The following CHD7 variants were observed in gnomAD, a reference collection of about 807,000 sequenced individuals.
CHD7 encodes chromodomain helicase DNA binding protein 7.
A neutral mutation model predicts 307.3 loss-of-function variants in CHD7; 24 were observed. The observed-to-expected ratio is 0.08, with a 90% confidence interval of 0.06 to 0.11. The LOEUF (loss-of-function observed/expected upper bound fraction) is 0.11, where lower values mean the gene tolerates loss of function less well. Among genes scored for constraint, CHD7 ranks in the 10% least tolerant of loss-of-function variants. The probability of loss-of-function intolerance (pLI) is 1.00; values close to 1 mark genes in which losing one functional copy is unlikely to be tolerated. For synonymous variants in CHD7, 1,363 were observed against 1,349.9 expected (o/e 1.01, Z -0.21); for missense variants, 3,106 against 3,727.1 (o/e 0.83, Z 4.34).
In CHD7 at chr8:60,865,585, A is replaced by C. The variant is rs1586468596; in HGVS notation, c.8646A>C (p.Gly2882=). ...TTGGTGCTGCTACTGCCCCGGCTGGATTGCCCTCAAACCCGCTAGCCTTCA... is the reference window on the plus strand; with the variant it reads ...TTGGTGCTGCTACTGCCCCGGCTGGCTTGCCCTCAAACCCGCTAGCCTTCA... ...GSVGAATAPA[G]LPSNPLAFNP... is the part of the protein sequence containing the mutation. The change falls in exon 38 of 38, where the codon GGA becomes GGC. Residue 2882 remains glycine (G), a synonymous_variant. Coordinates refer to ENST00000423902, the MANE Select transcript of CHD7 (RefSeq NM_017780.4). The surrounding 1 kb of genome is among the most constrained non-coding windows in gnomAD (Gnocchi z 4.3). The C allele has an allele frequency of 3.7e-6, 6 of 1,613,886 alleles. No individual in the cohort carries two copies. The Admixed American group carries it at 1.0e-4, about 27-fold the overall frequency.
At position 60,823,849 on chromosome 8, in the gene CHD7, A is replaced by T. The variant is rs1269074513; in HGVS notation, c.3211A>T (p.Ile1071Leu). 2 of 1,613,546 alleles carry T rather than the reference A, an allele frequency of 1.2e-6. No homozygotes were observed. Among genetic ancestry groups the T allele is most frequent in the Middle Eastern group, 1.6e-4 (1 of 6,084 alleles). Residue 1071 changes from isoleucine (I) to leucine (L), a missense_variant, in exon 13 of 38, where the codon ATA (isoleucine) becomes TTA (leucine). Ile to Leu is a conservative substitution (Grantham distance 5). Around this residue, in one of 10 missense-constraint regions of CHD7, gnomAD observed 232 missense variants for 422.5 expected, o/e 0.55. Coordinates refer to ENST00000423902, the MANE Select transcript of CHD7 (RefSeq NM_017780.4). ...MYFKDPQGRV[I>L]KGSYKFHAII... ...AGAGTTGTTCTTATAGGGTCGAGTG[A>T]TAAAGGGGTCCTATAAGTTTCATGC... is the stretch of plus-strand genomic sequence containing the variant.
At position 60,862,692 on chromosome 8, in the gene CHD7, A is replaced by G. The variant is rs1194089215; in HGVS notation, c.8076+40A>G. On this transcript the variant is annotated intron_variant, in intron 37 of 37. Transcript: ENST00000423902. ...CATTTCTATCAAGAAAGGTAGCTAT[A>G]CAAAACTGTTTTCCTTAGTCTTTCT... is the stretch of plus-strand genomic sequence containing the variant. 7 of 1,362,264 alleles carry G rather than the reference A, an allele frequency of 5.1e-6. No homozygotes were observed. The East Asian group carries it at 1.5e-4, about 29-fold the overall frequency. The allele number at this position is 1,362,264 out of a possible 1,614,324, so 84.4% of individuals were successfully genotyped here. A position where few individuals can be genotyped will look rare whatever the true frequency, so the allele number is the denominator to read the frequency against.
At chr8:60,796,242 T>C (rs1812028296) in intron 4 of CHD7, among the ~76,000 whole-genome samples, 1 of 152,238 alleles carries the variant, frequency 6.6e-6, no homozygotes, top group Non-Finnish European at 1.5e-5. Context: ...TGTGGGTTAT[T>C]ATGTAATTTT....
intron 15 of CHD7, among the ~76,000 whole-genome samples, chr8:60,834,426 C>T (rs989568179): frequency 9.8e-5 from 15 of 152,288 alleles, no homozygotes; most frequent in African/African-American, 2.4e-4. Context: ...CCTAATGTAA[C>T]GTGCACTTAA....
intron 8 of CHD7, among the ~76,000 whole-genome samples, chr8:60,817,436 A>G (rs1219482172): frequency 6.6e-6 from 1 of 152,214 alleles, no homozygotes; most frequent in Non-Finnish European, 1.5e-5. Context: ...ACTATCAGGT[A>G]GCAAGTCTGT....
Position 60,848,550 on chromosome 8 carries a change from G to T in CHD7, c.5246G>T (p.Arg1749Ile), listed in dbSNP as rs779276156. 6.2e-7 allele frequency: 1 copy of T among 1,613,744 alleles called. No homozygotes were observed. The highest frequency in any genetic ancestry group is 8.5e-7 in the Non-Finnish European group (1 of 1,179,766). ...CGTGTCCGCATGCTGTACTACCTAA[G>T]ACAAGAAGTGATAGGAGACCAGGCG... The part of the protein sequence containing the change: ...LLRVRMLYYL[R>I]QEVIGDQADK... The change falls in exon 24 of 38, where the codon AGA (arginine) becomes ATA (isoleucine). Residue 1749 changes from arginine (R) to isoleucine (I), a missense_variant. By Grantham distance (97) the Arg-to-Ile change is moderately conservative. Around this residue, in one of 10 missense-constraint regions of CHD7, gnomAD observed 1,030 missense variants for 1,165.4 expected, o/e 0.88. Transcript: ENST00000423902.
At chr8:60,712,002 C>T (rs1586197519) in intron 1 of CHD7, among the ~76,000 whole-genome samples, 1 of 152,330 alleles carries the variant, frequency 6.6e-6, no homozygotes, top group East Asian at 1.9e-4. Flanking sequence ...TAAGTTGGTG[C>T]ACCACATTTG....
chr8:60,837,072 A>G lies in CHD7; in HGVS notation c.4185+60A>G, dbSNP rs1197728373. 5 of 1,332,308 alleles carry G rather than the reference A, an allele frequency of 3.8e-6. No homozygotes were observed. In the East Asian group the frequency reaches 1.2e-4, roughly 31 times the overall value. 82.5% of individuals were successfully genotyped at this position (1,332,308 alleles called of 1,614,324 possible). ...AGGAAGTCATTCTGCTTACTATGAC[A>G]GAGAGTACCAGTCAGACCCATAAAT... On this transcript the variant is annotated intron_variant, in intron 17 of 37. Coordinates refer to ENST00000423902, the MANE Select transcript of CHD7 (RefSeq NM_017780.4).
At chr8:60,735,697 A>G (rs139074039) in intron 1 of CHD7, among the ~76,000 whole-genome samples, 3 of 152,360 alleles carry the variant, frequency 2.0e-5, no homozygotes, top group Non-Finnish European at 4.4e-5. Flanking sequence ...AAAGAATACT[A>G]ATCTCTGAAA....
intron 1 of CHD7, among the ~76,000 whole-genome samples, chr8:60,706,909 T>A (rs1327252569): frequency 1.3e-5 from 2 of 152,194 alleles, no homozygotes; most frequent in African/African-American, 4.8e-5. Flanking sequence ...CATGTTGGTG[T>A]GCCGCACCCA....
At chr8:60,774,313 C>T (rs1322847362) in intron 2 of CHD7, among the ~76,000 whole-genome samples, 1 of 152,188 alleles carries the variant, frequency 6.6e-6, no homozygotes, top group Non-Finnish European at 1.5e-5. Context: ...TATAACTCAC[C>T]TCACCAGCCT....
chr8:60,763,758 C>T (rs1055274453), intron 2 of CHD7, among the ~76,000 whole-genome samples: 1 of 152,056 alleles, frequency 6.6e-6, no homozygotes, highest in African/African-American at 2.4e-5. Context: ...TGGCCTATCC[C>T]TTCCCCTCCT....
At chr8:60,807,359 T>C (rs1424073757) in intron 6 of CHD7, among the ~76,000 whole-genome samples, 1 of 152,222 alleles carries the variant, frequency 6.6e-6, no homozygotes, top group Non-Finnish European at 1.5e-5. Context: ...CCCTGATTTA[T>C]CTGATCAAAT....
At chr8:60,813,860 C>G (rs890788543) in intron 7 of CHD7, among the ~76,000 whole-genome samples, 7 of 151,320 alleles carry the variant, frequency 4.6e-5, no homozygotes, top group African/African-American at 1.7e-4. Context: ...TAAATATTTA[C>G]TACTTTGCAC....
chr8:60,795,734 G>A (rs1378085852), intron 4 of CHD7, among the ~76,000 whole-genome samples: 2 of 152,332 alleles, frequency 1.3e-5, no homozygotes, highest in East Asian at 1.9e-4. Context: ...CGTGAGGAAT[G>A]TAGGTTCTTG....
intron 2 of CHD7, among the ~76,000 whole-genome samples, chr8:60,764,329 A>G (rs1222646381): frequency 6.6e-6 from 1 of 152,180 alleles, no homozygotes; most frequent in East Asian, 1.9e-4. Flanking sequence ...TTCAGATTTT[A>G]AAGTTTATTT....
In CHD7 at chr8:60,822,695, A is replaced by C; in HGVS notation, c.3150A>C (p.Gln1050His). 6.2e-7 allele frequency: 1 copy of C among 1,613,796 alleles called. No homozygotes were observed. The highest frequency in any genetic ancestry group is 8.5e-7 in the Non-Finnish European group (1 of 1,179,704). ...ELNVVVYHGS[Q>H]ASRRTIQLYE... is the part of the protein sequence containing the mutation. The stretch of plus-strand genomic sequence containing the variant: ...ACGTGGTTGTGTATCATGGGAGTCA[A>C]GCTAGTCGTCGGACCATTCAGTTGT... The change falls in exon 12 of 38, where the codon CAA (glutamine) becomes CAC (histidine). Residue 1050 changes from glutamine (Q) to histidine (H), a missense_variant. Physicochemically the swap from Gln to His is conservative, Grantham distance 24 (BLOSUM62 0). Around this residue, in one of 10 missense-constraint regions of CHD7, gnomAD observed 232 missense variants for 422.5 expected, o/e 0.55. Transcript: ENST00000423902.
At chr8:60,756,250 T>G (rs757603811) in intron 2 of CHD7, among the ~76,000 whole-genome samples, 1 of 152,222 alleles carries the variant, frequency 6.6e-6, no homozygotes, top group Non-Finnish European at 1.5e-5. Flanking sequence ...TTTTATTCTC[T>G]CTCACCTCTT....
At chr8:60,810,368 G>GGAGA (rs750210689) in intron 7 of CHD7, among the ~76,000 whole-genome samples, 3 of 145,578 alleles carry the variant, frequency 2.1e-5, no homozygotes, top group Non-Finnish European at 4.5e-5. Context: ...GATAGGACTG[G>GGAGA]GAGAGAGAGA....
Sources: allele counts gnomAD v4.1 joint callset (sites outside exome capture counted in the v4.1 genomes callset), GRCh38; gene constraint gnomAD v4.1.1; regional missense constraint gnomAD v4.1.1; non-coding constraint Gnocchi (gnomAD v3.1); transcripts MANE v1.5; gene names NCBI Gene and HGNC (gene_info 2026-07-23, HGNC 2026-07-21).